RYR2: variants seen among roughly 807,000 people sequenced by gnomAD.
The protein encoded by RYR2 is cardiac muscle ryanodine receptor-calcium release channel.
RYR2 carries 227 observed loss-of-function variants against 601.1 expected under a neutral mutation model. The ratio of observed to expected loss-of-function variants is 0.38; its 90% confidence interval spans 0.34 to 0.42. RYR2 has a LOEUF of 0.42. Ranked by LOEUF, RYR2 falls within the 10% of genes least tolerant of loss-of-function variation. The pLI is 1.00. For synonymous variants in RYR2, 2,223 were observed against 2,175.1 expected (o/e 1.02, Z -0.61); for missense variants, 4,646 against 6,156.5 (o/e 0.75, Z 8.21).
chr1:237,262,740 A>G (rs1472118700), intron 1 of RYR2, among the ~76,000 whole-genome samples: 1 of 152,196 alleles, frequency 6.6e-6, no homozygotes, highest in Non-Finnish European at 1.5e-5. Context: ...AGATAACCAC[A>G]GGATAAGATA....
intron 1 of RYR2, among the ~76,000 whole-genome samples, chr1:237,160,911 CA>C (rs1675941349): frequency 6.6e-6 from 1 of 152,100 alleles, no homozygotes; most frequent in Non-Finnish European, 1.5e-5. Flanking sequence ...ACAGTTTCCA[CA>C]AAGGCTTATT....
intron 27 of RYR2, among the ~76,000 whole-genome samples, chr1:237,560,470 G>C (rs1191920049): frequency 6.6e-6 from 1 of 152,178 alleles, no homozygotes; most frequent in Admixed American, 6.5e-5. Flanking sequence ...AGGAACTCCA[G>C]CTCTGTTCTG....
intron 10 of RYR2, among the ~76,000 whole-genome samples, chr1:237,395,604 T>C (rs983053383): frequency 7.0e-6 from 1 of 143,282 alleles, no homozygotes. Context: ...TGGAGTGCAG[T>C]GGCGCGATCT....
intron 16 of RYR2, among the ~76,000 whole-genome samples, chr1:237,458,243 C>G (rs1659066870): frequency 6.6e-6 from 1 of 152,100 alleles, no homozygotes; most frequent in South Asian, 2.1e-4. Context: ...GCCTGACCAA[C>G]ATAGTGAAAC....
At chr1:237,523,409 C>T (rs1213662060) in intron 24 of RYR2, among the ~76,000 whole-genome samples, 1 of 152,014 alleles carries the variant, frequency 6.6e-6, no homozygotes, top group Non-Finnish European at 1.5e-5. Context: ...TCTTATAACT[C>T]AATAATAAGA....
chr1:237,320,230 G>C (rs575566657), intron 2 of RYR2, among the ~76,000 whole-genome samples: 3 of 152,076 alleles, frequency 2.0e-5, no homozygotes, highest in Non-Finnish European at 4.4e-5. Flanking sequence ...TGGTCATGGG[G>C]GGAGGTGCAT....
chr1:237,638,219 A>G, intron 44 of RYR2, 138 bp from the exon 45 acceptor site: 3 of 1,009,474 alleles, frequency 3.0e-6, no homozygotes, highest in Non-Finnish European at 4.4e-6. Flanking sequence ...CAAGTAGATT[A>G]TCATGAGAGC....
intron 3 of RYR2, among the ~76,000 whole-genome samples, 173 bp from the exon 4 acceptor site, chr1:237,355,792 G>A (rs1030805845): frequency 3.3e-5 from 5 of 151,984 alleles, no homozygotes; most frequent in Admixed American, 1.3e-4. Context: ...TTTTTGTTTG[G>A]TGAGATTAAA....
chr1:237,263,129 C>T (rs751875275), intron 1 of RYR2, among the ~76,000 whole-genome samples: 11 of 152,042 alleles, frequency 7.2e-5, no homozygotes, highest in South Asian at 2.1e-4. Flanking sequence ...TAGACAGGAT[C>T]GGTAATTTTC....
intron 10 of RYR2, among the ~76,000 whole-genome samples, chr1:237,416,835 T>C (rs1418902394): frequency 6.6e-6 from 1 of 152,064 alleles, no homozygotes. Flanking sequence ...GTTTAAATCA[T>C]TGTTTATTCA....
intron 1 of RYR2, among the ~76,000 whole-genome samples, chr1:237,194,367 C>A (rs137919731): frequency 1.3e-5 from 2 of 152,130 alleles, no homozygotes; most frequent in Non-Finnish European, 2.9e-5. Context: ...TTGGACCCAC[C>A]GTACTATACA....
At chr1:237,781,729 T>C (rs925521525) in intron 89 of RYR2, 83 bp downstream of exon 89, 6 of 616,758 alleles carry the variant, frequency 9.7e-6, no homozygotes, top group Non-Finnish European at 1.7e-5. Flanking sequence ...GAGTGTAGCA[T>C]AGAATAAAAT....
chr1:237,575,474 C>T (rs533175220), intron 29 of RYR2, among the ~76,000 whole-genome samples: 1 of 152,206 alleles, frequency 6.6e-6, no homozygotes, highest in East Asian at 1.9e-4. Context: ...TGGAGGTGAT[C>T]CTCATCACAT....
chr1:237,708,465 A>G lies in RYR2; in HGVS notation c.9902-393A>G, dbSNP rs75014166. 2.9e-3 allele frequency among the ~76,000 whole-genome samples: 446 copies of G among 152,368 alleles called. 1 individual carries two copies. The highest frequency in any genetic ancestry group is 9.8e-3 in the African/African-American group (409 of 41,594). ...CATTGTGCCAAGGATGGGGATAGTT[A>G]AAATGAGATAACTGTATATAGTCTC... is the stretch of plus-strand genomic sequence containing the variant. On this transcript the variant is annotated intron_variant, in intron 68 of 104. Coordinates refer to ENST00000366574, the MANE Select transcript of RYR2 (RefSeq NM_001035.3).
At chr1:237,188,633 T>A (rs1181012302) in intron 1 of RYR2, among the ~76,000 whole-genome samples, 1 of 152,144 alleles carries the variant, frequency 6.6e-6, no homozygotes, top group African/African-American at 2.4e-5. Context: ...TGGCACGATC[T>A]CGGCTCACTG....
At chr1:237,177,539 C>T (rs1281729062) in intron 1 of RYR2, among the ~76,000 whole-genome samples, 1 of 152,168 alleles carries the variant, frequency 6.6e-6, no homozygotes, top group Non-Finnish European at 1.5e-5. Flanking sequence ...AAAATGATTT[C>T]ACATACCATG....
rs1298518187 is a variant in RYR2 at position 237,593,457 on chromosome 1, G to A, written c.4276-19G>A. The A allele has an allele frequency of 1.9e-6, 3 of 1,572,876 alleles. No individual in the cohort carries two copies. The highest frequency in any genetic ancestry group is 1.9e-5 in the Admixed American group (1 of 53,090). ...GTTTAGTTTTACTTTGCCAATATTT[G>A]GTTCTGCTATCTTCACAGTACTATT... On this transcript the variant is annotated intron_variant, in intron 32 of 104. Coordinates refer to ENST00000366574, the MANE Select transcript of RYR2 (RefSeq NM_001035.3).
intron 27 of RYR2, among the ~76,000 whole-genome samples, chr1:237,551,783 A>G (rs1394205825): frequency 1.3e-5 from 2 of 152,146 alleles, no homozygotes; most frequent in African/African-American, 4.8e-5. Flanking sequence ...ATGATAGTTT[A>G]TATATTCACT....
intron 24 of RYR2, among the ~76,000 whole-genome samples, chr1:237,525,504 G>A (rs1011231831): frequency 6.6e-6 from 1 of 151,942 alleles, no homozygotes; most frequent in African/African-American, 2.4e-5. Context: ...AGGTTGGAGT[G>A]CAGTGGCATG....
Sources: allele counts gnomAD v4.1 joint callset (sites outside exome capture counted in the v4.1 genomes callset), GRCh38; gene constraint gnomAD v4.1.1; transcripts MANE v1.5; gene names NCBI Gene and HGNC (gene_info 2026-07-23, HGNC 2026-07-21).